FAM193A: variants seen among roughly 807,000 people sequenced by gnomAD.
The protein encoded by FAM193A is protein FAM193A.
FAM193A carries 22 observed loss-of-function variants against 126.5 expected under a neutral mutation model. The observed-to-expected ratio is 0.17, with a 90% CI of 0.12 to 0.25. The LOEUF is 0.25. Ranked by LOEUF, FAM193A falls within the 10% of genes least tolerant of loss-of-function variation. The probability of loss-of-function intolerance (pLI) is 1.00; values close to 1 mark genes in which losing one functional copy is unlikely to be tolerated. For missense variants in FAM193A, 1,675 were observed against 1,672.8 expected, an observed-to-expected ratio of 1.00 and a Z score of -0.02; for synonymous variants, 761 against 646.8, an observed-to-expected ratio of 1.18 and a Z score of -2.68.
chr4:2,705,153 G>T (rs1285096026), intron 19 of FAM193A, among the ~76,000 whole-genome samples: 1 of 152,128 alleles, frequency 6.6e-6, no homozygotes, highest in African/African-American at 2.4e-5. Context: ...CTCACAATCC[G>T]CCTGTCTTGG....
At chr4:2,542,842 G>A (rs140777657) in intron 1 of FAM193A, among the ~76,000 whole-genome samples, 18 of 152,218 alleles carry the variant, frequency 1.2e-4, no homozygotes, top group East Asian at 5.8e-4. Flanking sequence ...TCCTGTGTGC[G>A]GGACACAGCA....
intron 13 of FAM193A, among the ~76,000 whole-genome samples, chr4:2,678,658 C>G (rs533498206): frequency 3.9e-4 from 59 of 152,292 alleles, no homozygotes; most frequent in African/African-American, 1.4e-3. Context: ...CCACTGTGCC[C>G]AGCCCTAAAT....
chr4:2,594,669 C>T (rs1386956322), intron 1 of FAM193A, among the ~76,000 whole-genome samples: 1 of 152,140 alleles, frequency 6.6e-6, no homozygotes, highest in African/African-American at 2.4e-5. Flanking sequence ...GGTGCAGAGG[C>T]AGCCCTGTGT....
chr4:2,553,942 C>T (rs1414034504), intron 1 of FAM193A, among the ~76,000 whole-genome samples: 8 of 152,120 alleles, frequency 5.3e-5, no homozygotes, highest in African/African-American at 1.7e-4. Flanking sequence ...TTCCTCTTTG[C>T]CTTCCACCGT....
intron 18 of FAM193A, among the ~76,000 whole-genome samples, chr4:2,698,428 G>A (rs1446233293): frequency 2.6e-5 from 4 of 152,206 alleles, no homozygotes; most frequent in African/African-American, 7.2e-5. Flanking sequence ...CATCCACGAG[G>A]TGGCTGCTGG....
At chr4:2,540,118 CAA>C (rs35943546) in intron 1 of FAM193A, among the ~76,000 whole-genome samples, 128 of 137,852 alleles carry the variant, frequency 9.3e-4, no homozygotes, top group Middle Eastern at 3.8e-3. Flanking sequence ...AACTCTGTCT[CAA>C]AAAAAAAAAA....
At chr4:2,630,871 C>A in intron 4 of FAM193A, 64 bp from the exon 5 acceptor site, 3 of 891,388 alleles carry the variant, frequency 3.4e-6, no homozygotes, top group South Asian at 3.1e-5. Flanking sequence ...AAAAGATGCT[C>A]ACTGACATCA....
intron 2 of FAM193A, among the ~76,000 whole-genome samples, chr4:2,624,749 C>T (rs1409897547): frequency 1.3e-5 from 2 of 151,886 alleles, no homozygotes; most frequent in South Asian, 4.2e-4. Context: ...GCTGTGTTAC[C>T]CAGGCTGGTC....
chr4:2,678,359 G>GTTTTTTTTTTTTTTTTTTTTT (rs1553907903), intron 13 of FAM193A, among the ~76,000 whole-genome samples: 1 of 141,698 alleles, frequency 7.1e-6, no homozygotes, highest in Non-Finnish European at 1.5e-5. Context: ...TGGTTTTGGT[G>GTTTTTTTTTTTTTTTTTTTTT]GTTTTTTTTT....
intron 13 of FAM193A, among the ~76,000 whole-genome samples, chr4:2,685,085 A>AAAC (rs1715583375): frequency 6.6e-6 from 1 of 152,182 alleles, no homozygotes; most frequent in African/African-American, 2.4e-5. Context: ...TTGGTGTACT[A>AAAC]AGAAACGGCC....
At chr4:2,563,525 CA>C (rs149318728) in intron 1 of FAM193A, among the ~76,000 whole-genome samples, 1 of 143,786 alleles carries the variant, frequency 7.0e-6, no homozygotes, top group Admixed American at 7.0e-5. Flanking sequence ...GTCATCTCTA[CA>C]AAAAAAAACA....
At chr4:2,667,548 T>A (rs1713261652) in intron 12 of FAM193A, among the ~76,000 whole-genome samples, 1 of 152,258 alleles carries the variant, frequency 6.6e-6, no homozygotes, top group Admixed American at 6.5e-5. Context: ...GCCCCTTTTA[T>A]CATTATGAAA....
chr4:2,610,007 G>A (rs1741769346), intron 2 of FAM193A, among the ~76,000 whole-genome samples: 1 of 151,872 alleles, frequency 6.6e-6, no homozygotes, highest in Non-Finnish European at 1.5e-5. Context: ...CGAGGCAGAT[G>A]GGTCACCTGA....
chr4:2,669,743 C>G (rs1030727008), intron 12 of FAM193A, among the ~76,000 whole-genome samples: 1 of 152,192 alleles, frequency 6.6e-6, no homozygotes. Context: ...TATCAAATTC[C>G]ACACCAGAGT....
At chr4:2,631,277 C>T in intron 5 of FAM193A, 108 bp downstream of exon 5, 1 of 971,842 alleles carries the variant, frequency 1.0e-6, no homozygotes, top group East Asian at 2.5e-5. Context: ...CACACCCCCA[C>T]ACACTGTGAT....
chr4:2,573,220 G>A (rs1739393127), intron 1 of FAM193A, among the ~76,000 whole-genome samples: 1 of 151,918 alleles, frequency 6.6e-6, no homozygotes, highest in Admixed American at 6.6e-5. Flanking sequence ...TGTGTTTTAA[G>A]AAGCCCATGA....
At chr4:2,635,154 A>G (rs17824295) in intron 5 of FAM193A, among the ~76,000 whole-genome samples, 4,995 of 152,224 alleles carry the variant, frequency 0.033, 100 homozygotes, top group South Asian at 0.084. Flanking sequence ...ATGCCAGCCA[A>G]TCTCTTTTTA....
chr4:2,581,177 T>C (rs1259542814), intron 1 of FAM193A, among the ~76,000 whole-genome samples: 1 of 150,610 alleles, frequency 6.6e-6, no homozygotes, highest in African/African-American at 2.4e-5. Flanking sequence ...ATTCCATTTT[T>C]GGGATTGCCA....
chr4:2,679,630 G>A (rs564459436), intron 13 of FAM193A, among the ~76,000 whole-genome samples: 2 of 151,772 alleles, frequency 1.3e-5, no homozygotes, highest in East Asian at 1.9e-4. Flanking sequence ...CACCCGCCTC[G>A]GTCTCCCAAA....
Sources: allele counts gnomAD v4.1 joint callset (sites outside exome capture counted in the v4.1 genomes callset), GRCh38; gene constraint gnomAD v4.1.1; transcripts MANE v1.5; gene names NCBI Gene and HGNC (gene_info 2026-07-23, HGNC 2026-07-21).